The following AK2 variants were observed in gnomAD, a reference collection of about 807,000 sequenced individuals.
The protein encoded by AK2 is adenylate kinase 2, mitochondrial.
Under a neutral mutation model 24.6 loss-of-function variants are expected in AK2, and 15 were observed. The ratio of observed to expected loss-of-function variants is 0.61; its 90% CI spans 0.41 to 0.94. AK2 has a LOEUF of 0.94. Among genes scored for constraint, AK2 ranks in the 40% least tolerant of loss-of-function variants. AK2 has a pLI of 0.00. For missense variants in AK2, 257 were observed against 304.1 expected (o/e 0.85, Z 1.15); for synonymous variants, 102 against 114.0 (o/e 0.90, Z 0.67).
At chr1:33,021,194 T>TG (rs1248518040) in intron 4 of AK2, among the ~76,000 whole-genome samples, 173 bp downstream of exon 4, 1 of 152,002 alleles carries the variant, frequency 6.6e-6, no homozygotes, top group African/African-American at 2.4e-5. Context: ...TCAAATCCCT[T>TG]GCTCTTCTTT....
rs531961683 is a variant in AK2, at chr1:33,018,238, G to A, written c.425+3129C>T. On this transcript the variant is annotated intron_variant, in intron 4 of 5. Transcript: ENST00000672715. The stretch of plus-strand genomic sequence containing the variant: ...ACCAACTATTCATATTCAAGAAACA[G>A]AACAATGACTCAAAATTACTAGAAG... 8.5e-5 allele frequency among the ~76,000 whole-genome samples: 13 copies of A among 152,226 alleles called. No individual in the cohort carries two copies. The South Asian group carries it at 2.5e-3, about 29-fold the overall frequency.
At chr1:33,032,359 G>A (rs560347510) in intron 1 of AK2, 15 of 152,356 alleles carry the variant, frequency 9.8e-5, no homozygotes, top group African/African-American at 3.4e-4. Flanking sequence ...GGTTTCTCAA[G>A]AGAAACTGGA....
chr1:33,026,814 A>G (rs1214096862), intron 1 of AK2, among the ~76,000 whole-genome samples: 3 of 149,352 alleles, frequency 2.0e-5, no homozygotes, highest in Non-Finnish European at 4.4e-5. Flanking sequence ...CTCACAAAAA[A>G]ACAGCAACAA....
intron 1 of AK2, among the ~76,000 whole-genome samples, chr1:33,034,860 G>A (rs1640481443): frequency 6.6e-6 from 1 of 152,006 alleles, no homozygotes; most frequent in Non-Finnish European, 1.5e-5. Context: ...ACCAGCCTGG[G>A]CAACATAGCA....
intron 1 of AK2, among the ~76,000 whole-genome samples, chr1:33,025,030 C>A (rs887571340): frequency 6.6e-6 from 1 of 151,822 alleles, no homozygotes; most frequent in African/African-American, 2.4e-5. Flanking sequence ...ACTAAAAATA[C>A]AAAAATTAGC....
intron 2 of AK2, among the ~76,000 whole-genome samples, chr1:33,023,076 A>G (rs545939707): frequency 6.6e-6 from 1 of 152,320 alleles, no homozygotes; most frequent in Non-Finnish European, 1.5e-5. Flanking sequence ...GGATTAAAGC[A>G]AAGTCCAGCT....
Position 33,019,986 on chromosome 1 carries a change from C to T in AK2, c.425+1381G>A. 2.7e-6 allele frequency: 4 copies of T among 1,457,498 alleles called. No homozygotes were observed. The South Asian group carries it at 5.5e-5, about 20-fold the overall frequency. The allele number at this position is 1,457,498 out of a possible 1,614,324, so 90.3% of individuals were successfully genotyped here. A position where few individuals can be genotyped will look rare whatever the true frequency, so the allele number is the denominator to read the frequency against. ...AAAGACATAAAAAAGCTACAGCCCA[C>T]AATAAAGAAGGGAATGGAGGGTCCA... On this transcript the variant is annotated intron_variant, in intron 4 of 5. Coordinates refer to ENST00000672715, the MANE Select transcript of AK2 (RefSeq NM_001625.4).
chr1:33,011,967 G>A lies in AK2; in HGVS notation c.*1214C>T. ...AGTTTTATGTCCTGGAGAGAGACTG[G>A]GTTTGAATAAATACTGATCAAAATG... is the stretch of plus-strand genomic sequence containing the variant. On this transcript the variant is annotated 3_prime_UTR_variant, in exon 6 of 6. Transcript: ENST00000672715. The A allele has an allele frequency of 6.5e-7, 1 of 1,534,518 alleles. No homozygotes were observed. Among genetic ancestry groups the A allele is most frequent in the Non-Finnish European group, 8.7e-7 (1 of 1,146,458 alleles).
chr1:33,014,436 G>A, intron 5 of AK2, 86 bp downstream of exon 5: 1 of 1,067,062 alleles, frequency 9.4e-7, no homozygotes, highest in East Asian at 2.6e-5. Flanking sequence ...GAAATAAAAG[G>A]AAGATGGAAA....
rs747417335 is a variant in AK2, at chr1:33,008,009, G to C, written c.*5172C>G. ...TCTCACACAGCTAAGAATTTAATAT[G>C]TTAGACTATTATTAATTATGAAAAC... On this transcript the variant is annotated 3_prime_UTR_variant, in exon 6 of 6. Coordinates refer to ENST00000672715, the MANE Select transcript of AK2 (RefSeq NM_001625.4). 4.4e-5 allele frequency: 20 copies of C among 453,900 alleles called. No homozygotes were observed. The highest frequency in any genetic ancestry group is 8.4e-5 in the Non-Finnish European group (19 of 226,792). 28.1% of individuals were successfully genotyped at this position (453,900 alleles called of 1,614,324 possible).
chr1:33,009,716 C>A lies in AK2; in HGVS notation c.*3465G>T, dbSNP rs534483050. ...ACAGTGCTATCTCCACTAGACCAAG[C>A]TGCCTTGTCTCTGGGCTCAAGAGAA... On this transcript the variant is annotated 3_prime_UTR_variant, in exon 6 of 6. Coordinates refer to ENST00000672715, the MANE Select transcript of AK2 (RefSeq NM_001625.4). 2.4e-5 allele frequency: 11 copies of A among 454,128 alleles called. No individual in the cohort carries two copies. The highest frequency in any genetic ancestry group is 4.0e-5 in the Non-Finnish European group (9 of 226,790). The allele number at this position is 454,128 out of a possible 1,614,324, so 28.1% of individuals were successfully genotyped here.
At position 33,012,191 on chromosome 1, in the gene AK2, C is replaced by T. The variant is rs1450643768; in HGVS notation, c.*990G>A. 2.0e-6 allele frequency: 3 copies of T among 1,535,318 alleles called. No individual in the cohort carries two copies. The Admixed American group carries it at 5.9e-5, about 30-fold the overall frequency. ...CTGGTTTAATTCTCTGGCAACAATT[C>T]AGTTTTCAAACCCAATTCCCAAATA... On this transcript the variant is annotated 3_prime_UTR_variant, in exon 6 of 6. Transcript: ENST00000672715.
intron 1 of AK2, among the ~76,000 whole-genome samples, chr1:33,026,765 G>A (rs953003803): frequency 6.6e-6 from 1 of 151,720 alleles, no homozygotes; most frequent in African/African-American, 2.4e-5. Flanking sequence ...CTGAGACTGC[G>A]CCATTGCACT....
At position 33,012,247 on chromosome 1, in the gene AK2, AC is replaced by A. The variant is rs1364109591; in HGVS notation, c.*933del. The A allele has an allele frequency of 5.2e-6, 8 of 1,535,230 alleles. No homozygotes were observed. The highest frequency in any genetic ancestry group is 7.0e-6 in the Non-Finnish European group (8 of 1,146,664). ...TATTTTCAGCATCATGATGCAGATCACAAAAATATTCCAATTTGGCCTGGCT... is the reference window on the plus strand; with the variant it reads ...TATTTTCAGCATCATGATGCAGATCAAAAAATATTCCAATTTGGCCTGGCT... On this transcript the variant is annotated 3_prime_UTR_variant, in exon 6 of 6. Coordinates refer to ENST00000672715, the MANE Select transcript of AK2 (RefSeq NM_001625.4).
intron 2 of AK2, chr1:33,024,157 C>T (rs1312347915): frequency 4.8e-5 from 18 of 375,548 alleles, no homozygotes; most frequent in African/African-American, 2.3e-4. Flanking sequence ...GGCGACAGAG[C>T]GAGACTTTGT....
chr1:33,036,606 C>T, intron 1 of AK2, 130 bp downstream of exon 1: 1 of 858,266 alleles, frequency 1.2e-6, no homozygotes, highest in Non-Finnish European at 1.9e-6. Flanking sequence ...AGAACCGAGA[C>T]CCCGGCCAGC....
rs1186725713 is a variant in AK2 at position 33,010,068 on chromosome 1, A to G, written c.*3113T>C. 2.2e-6 allele frequency: 1 copy of G among 454,606 alleles called. No individual in the cohort carries two copies. Among genetic ancestry groups the G allele is most frequent in the African/African-American group, 2.0e-5 (1 of 50,164 alleles). The allele number at this position is 454,606 out of a possible 1,614,324, so 28.2% of individuals were successfully genotyped here. On this transcript the variant is annotated 3_prime_UTR_variant, in exon 6 of 6. Transcript: ENST00000672715. Reference sequence around the variant, plus strand: ...TGAGAATGGAAAGGACAATCTTTGGATGACATAGCTTAGGACACTTGCTCA... The same window carrying G: ...TGAGAATGGAAAGGACAATCTTTGGGTGACATAGCTTAGGACACTTGCTCA...
intron 1 of AK2, 105 bp from the exon 2 acceptor site, chr1:33,024,672 TG>T: frequency 7.1e-7 from 1 of 1,415,810 alleles, no homozygotes; most frequent in Non-Finnish European, 9.9e-7. Flanking sequence ...TATGTAAACA[TG>T]GGCAAATGCC....
rs964074821 is a variant in AK2 at position 33,008,402 on chromosome 1, G to A, written c.*4779C>T. 11 of 454,094 alleles carry A rather than the reference G, an allele frequency of 2.4e-5. No individual in the cohort carries two copies. The Admixed American group carries it at 2.6e-4, about 11-fold the overall frequency. 28.1% of individuals were successfully genotyped at this position (454,094 alleles called of 1,614,324 possible). A position where few individuals can be genotyped will look rare whatever the true frequency, so the allele number is the denominator to read the frequency against. The stretch of plus-strand genomic sequence containing the variant: ...GCTGCTCTCCATCCTGCTGTGTTCT[G>A]TCAGTGACACTTTGTGCACACAGGA... On this transcript the variant is annotated 3_prime_UTR_variant, in exon 6 of 6. Coordinates refer to ENST00000672715, the MANE Select transcript of AK2 (RefSeq NM_001625.4).
Sources: gnomAD v4.1 joint callset for allele counts (sites outside exome capture counted in the v4.1 genomes callset) on GRCh38, gnomAD v4.1.1 for gene constraint, MANE v1.5 for transcripts, NCBI Gene and HGNC (gene_info 2026-07-23, HGNC 2026-07-21) for gene names.